Variants in SMTN observed in about 807,000 individuals in gnomAD.
SMTN encodes the protein smoothelin.
Under a neutral mutation model 102.0 loss-of-function variants are expected in SMTN, and 58 were observed. That is an observed-to-expected ratio of 0.57 (90% CI 0.46 to 0.71). SMTN has a LOEUF of 0.71. Ranked by LOEUF, SMTN falls within the 30% of genes least tolerant of loss-of-function variation. SMTN has a pLI of 0.00. For missense variants in SMTN, 1,185 were observed against 1,241.7 expected (o/e 0.95, Z 0.69); for synonymous variants, 478 against 497.9 (o/e 0.96, Z 0.53).
rs779576791 is a variant in SMTN, at chr22:31,091,687, G to A, written c.1472G>A (p.Gly491Glu). Reference protein sequence around the residue: ...TGNQRAELTLGLRAPPTLLST... With the variant: ...TGNQRAELTLELRAPPTLLST... ...TCTCCCCACTCAGAACTGACACTGG[G>A]GCTGCGGGCGCCCCCGACCCTACTC... Residue 491 changes from glycine to glutamate, a missense_variant, in exon 11 of 21, where the codon GGG becomes GAG. Transcript: ENST00000333137. 4 of 1,595,338 alleles carry A rather than the reference G, an allele frequency of 2.5e-6. No homozygotes were observed. In the African/African-American group the frequency reaches 5.4e-5, roughly 21 times the overall value.
intron 11 of SMTN, 69 bp downstream of exon 11, chr22:31,091,916 G>A: frequency 2.2e-6 from 3 of 1,380,202 alleles, no homozygotes; most frequent in East Asian, 2.5e-5. Context: ...AGGGTGTAGG[G>A]CTAGCAGGGT....
At chr22:31,092,479 C>T (rs756538686) in intron 11 of SMTN, 2 of 471,102 alleles carry the variant, frequency 4.2e-6, no homozygotes. Context: ...GATCCACTAG[C>T]CGGGAGCTCA....
chr22:31,101,083 TC>T, intron 20 of SMTN, 34 bp downstream of exon 20: 1 of 1,557,186 alleles, frequency 6.4e-7, no homozygotes, highest in South Asian at 1.2e-5. Context: ...CTGCCCCGTT[TC>T]ACCAGAATCT....
At chr22:31,098,608 G>T in intron 16 of SMTN, 59 bp from the exon 17 acceptor site, 1 of 1,564,190 alleles carries the variant, frequency 6.4e-7, no homozygotes, top group Admixed American at 1.8e-5. Context: ...GCGAGTGGTG[G>T]TCCAGGCTGG....
chr22:31,082,567 G>A (rs968865976), intron 1 of SMTN: 4 of 518,510 alleles, frequency 7.7e-6, no homozygotes, highest in Non-Finnish European at 1.5e-5. Context: ...AGCCCTTCCA[G>A]GTGGGGAATT....
rs539957534 is a variant in SMTN, at chr22:31,076,240, C to T, written c.-385-4210C>T. On this transcript the variant is annotated intron_variant, in intron 1 of 3. Coordinates refer to the SMTN transcript ENST00000422839. ...TCCTCTGGGAAGATGCAGAGCCCTTCTGCAGCCTCAGCACTTTTCTCCCTG... is the reference window on the plus strand; with the variant it reads ...TCCTCTGGGAAGATGCAGAGCCCTTTTGCAGCCTCAGCACTTTTCTCCCTG... 2.4e-4 allele frequency among the ~76,000 whole-genome samples: 36 copies of T among 152,366 alleles called. No individual in the cohort carries two copies. In the South Asian group the frequency reaches 7.0e-3, roughly 30 times the overall value.
Position 31,088,723 on chromosome 22 carries a change from G to A in SMTN, c.319G>A (p.Glu107Lys). The A allele has an allele frequency of 6.2e-7, 1 of 1,613,676 alleles. No individual in the cohort carries two copies. The highest frequency in any genetic ancestry group is 8.5e-7 in the Non-Finnish European group (1 of 1,179,812). Residue 107 changes from glutamate to lysine, a missense_variant, in exon 5 of 21, where the codon GAG (glutamate) becomes AAG (lysine). This residue lies in a region of SMTN where 1,096 missense variants were observed against 1,112.7 expected (regional missense o/e 0.98). Transcript: ENST00000333137. ...ALLRSAGEYE[E>K]RKLIRAAIRR... Reference sequence around the variant, plus strand: ...GTTGCGAAGCGCTGGTGAGTATGAGGAGCGCAAGCTGATCCGAGCTGCCAT... The same window carrying A: ...GTTGCGAAGCGCTGGTGAGTATGAGAAGCGCAAGCTGATCCGAGCTGCCAT...
At position 31,095,099 on chromosome 22, in the gene SMTN, C is replaced by T. The variant is rs1025460410; in HGVS notation, c.1633-204C>T. ...CATTGTATTAATACAATTCGGGGTA[C>T]GTGGGAAGCCCTACAACAAAACTGT... On this transcript the variant is annotated intron_variant, in intron 11 of 20. Transcript: ENST00000333137. The surrounding 1 kb of genome is among the most constrained non-coding windows in gnomAD (Gnocchi z 4.1). Among the ~76,000 whole-genome samples, 6 of 152,194 alleles carry T rather than the reference C, an allele frequency of 3.9e-5. No homozygotes were observed. Among genetic ancestry groups the T allele is most frequent in the Non-Finnish European group, 5.9e-5 (4 of 68,042 alleles).
At chr22:31,097,232 C>T in intron 15 of SMTN, 37 bp from the exon 16 acceptor site, 1 of 1,607,504 alleles carries the variant, frequency 6.2e-7, no homozygotes, top group Middle Eastern at 1.7e-4. Context: ...ATGTCCAGCC[C>T]AGGCCCTCAC....
chr22:31,070,277 T>C (rs1266671192), intron 1 of SMTN, among the ~76,000 whole-genome samples: 2 of 152,182 alleles, frequency 1.3e-5, no homozygotes, highest in Non-Finnish European at 2.9e-5. Flanking sequence ...TACTTCAGAA[T>C]TTTTGAACAA....
intron 1 of SMTN, chr22:31,068,067 G>A (rs1356205565): frequency 6.6e-6 from 1 of 152,186 alleles, no homozygotes; most frequent in Non-Finnish European, 1.5e-5. Context: ...CAGTTTGGGA[G>A]GCCGAGGCGG....
At chr22:31,068,275 G>A (rs1331806744) in intron 1 of SMTN, 1 of 151,502 alleles carries the variant, frequency 6.6e-6, no homozygotes, top group Non-Finnish European at 1.5e-5. Flanking sequence ...TTGCACTCTA[G>A]CCTGGGTGAC....
intron 1 of SMTN, chr22:31,064,717 G>A (rs1455463286): frequency 6.6e-6 from 1 of 152,100 alleles, no homozygotes; most frequent in Non-Finnish European, 1.5e-5. Context: ...TTATTTTGGT[G>A]TTTAATTTTG....
At chr22:31,087,936 A>G (rs753449101) in intron 2 of SMTN, 29 bp from the exon 3 acceptor site, 1 of 1,552,004 alleles carries the variant, frequency 6.4e-7, no homozygotes, top group Non-Finnish European at 8.7e-7. Context: ...CTGGCAGCCA[A>G]AATGACCTGC....
intron 1 of SMTN, among the ~76,000 whole-genome samples, chr22:31,068,709 T>C (rs1717546176): frequency 6.6e-6 from 1 of 152,226 alleles, no homozygotes; most frequent in Admixed American, 6.5e-5. Flanking sequence ...GGGGACCGTG[T>C]TGAGCGAGAC....
At chr22:31,078,433 T>C (rs1455829574), upstream of SMTN, among the ~76,000 whole-genome samples, 1 of 152,000 alleles carries the variant, frequency 6.6e-6, no homozygotes, top group Non-Finnish European at 1.5e-5. Flanking sequence ...GAACCTAGAG[T>C]AGACCCTTTC....
In SMTN at chr22:31,097,333, G is replaced by T; in HGVS notation, c.2154G>T (p.Met718Ile). 6.2e-7 allele frequency: 1 copy of T among 1,613,916 alleles called. No homozygotes were observed. The highest frequency in any genetic ancestry group is 8.5e-7 in the Non-Finnish European group (1 of 1,179,890). Reference protein sequence around the residue: ...TFSSSSSSKKMGSIFDREDQA... With the variant: ...TFSSSSSSKKIGSIFDREDQA... ...CCTCTTCCTCCTCATCCAAGAAGAT[G>T]GGCAGGTGAGCACCAGCACCCAATC... Residue 718 changes from methionine to isoleucine, a missense_variant, in exon 16 of 21, where the codon ATG becomes ATT. Physicochemically the swap from Met to Ile is conservative, Grantham distance 10. Around this residue, in one of 2 missense-constraint regions of SMTN, gnomAD observed 1,096 missense variants for 1,112.7 expected, o/e 0.98. Coordinates refer to ENST00000333137, the MANE Select transcript of SMTN (RefSeq NM_134269.3).
chr22:31,098,895 G>T, intron 17 of SMTN, 55 bp downstream of exon 17: 1 of 1,551,936 alleles, frequency 6.4e-7, no homozygotes, highest in Non-Finnish European at 8.7e-7. Flanking sequence ...AGGCAGTGGG[G>T]GGCGGGGCTT....
intron 13 of SMTN, 27 bp from the exon 14 acceptor site, chr22:31,096,706 C>G: frequency 1.3e-6 from 2 of 1,507,876 alleles, no homozygotes; most frequent in Non-Finnish European, 1.8e-6. Context: ...GGCCCTTTTG[C>G]GCATGCATGG....
Sources: allele counts gnomAD v4.1 joint callset (sites outside exome capture counted in the v4.1 genomes callset), GRCh38; gene constraint gnomAD v4.1.1; regional missense constraint gnomAD v4.1.1; non-coding constraint Gnocchi (gnomAD v3.1); transcripts MANE v1.5; gene names NCBI Gene and HGNC (gene_info 2026-07-23, HGNC 2026-07-21).